CTDSPL: variants seen among roughly 807,000 people sequenced by gnomAD.
CTDSPL encodes the protein CTD small phosphatase-like protein.
Under a neutral mutation model 30.5 loss-of-function variants are expected in CTDSPL, and 8 were observed. The observed-to-expected ratio is 0.26, with a 90% confidence interval of 0.15 to 0.47. CTDSPL has a LOEUF of 0.47. Ranked by LOEUF, CTDSPL falls within the 20% of genes least tolerant of loss-of-function variation. CTDSPL has a pLI of 0.99. For synonymous variants in CTDSPL, 110 were observed against 137.9 expected, an observed-to-expected ratio of 0.80 and a Z score of 1.42; for missense variants, 248 against 366.1, an observed-to-expected ratio of 0.68 and a Z score of 2.63.
intron 1 of CTDSPL, among the ~76,000 whole-genome samples, chr3:37,868,671 C>T (rs1418347802): frequency 6.6e-5 from 10 of 152,066 alleles, no homozygotes; most frequent in Admixed American, 6.6e-4. Context: ...TGTCCTTCCT[C>T]CTTTGAATTT....
intron 1 of CTDSPL, among the ~76,000 whole-genome samples, chr3:37,908,372 C>T (rs1303313432): frequency 6.6e-6 from 1 of 151,896 alleles, no homozygotes; most frequent in Non-Finnish European, 1.5e-5. Flanking sequence ...GATTGATATA[C>T]CCTCTATAAC....
chr3:37,942,713 C>T (rs1475401701), intron 1 of CTDSPL, among the ~76,000 whole-genome samples: 2 of 150,384 alleles, frequency 1.3e-5, no homozygotes, highest in African/African-American at 4.8e-5. Context: ...ATTTAATTCT[C>T]ACAACAAACC....
chr3:37,938,404 C>T (rs1046633465), intron 1 of CTDSPL, among the ~76,000 whole-genome samples: 1 of 150,258 alleles, frequency 6.7e-6, no homozygotes, highest in African/African-American at 2.4e-5. Flanking sequence ...GCAGATATCA[C>T]ACTAATTAAG....
At chr3:37,973,466 A>G (rs1008757588) in intron 6 of CTDSPL, among the ~76,000 whole-genome samples, 3 of 152,020 alleles carry the variant, frequency 2.0e-5, no homozygotes, top group Non-Finnish European at 4.4e-5. Context: ...TGTCTCTTCA[A>G]CCCTTCTCTT....
intron 2 of CTDSPL, among the ~76,000 whole-genome samples, chr3:37,949,896 T>A (rs773078860): frequency 2.0e-5 from 3 of 152,126 alleles, no homozygotes; most frequent in Non-Finnish European, 4.4e-5. Flanking sequence ...AGGCACAGGA[T>A]TTATTCTCTC....
chr3:37,936,207 G>A (rs1328151449), intron 1 of CTDSPL, among the ~76,000 whole-genome samples: 2 of 152,162 alleles, frequency 1.3e-5, no homozygotes, highest in Non-Finnish European at 2.9e-5. Flanking sequence ...GTGGGAAAAT[G>A]AGCTTTCAAA....
intron 1 of CTDSPL, among the ~76,000 whole-genome samples, chr3:37,866,106 T>C (rs1387325464): frequency 3.3e-5 from 5 of 152,250 alleles, no homozygotes; most frequent in Non-Finnish European, 7.3e-5. Flanking sequence ...TTTCACTTAA[T>C]GGCTACATTG....
At chr3:37,962,996 T>C (rs1275457787) in intron 3 of CTDSPL, among the ~76,000 whole-genome samples, 2 of 152,198 alleles carry the variant, frequency 1.3e-5, no homozygotes, top group Non-Finnish European at 2.9e-5. Flanking sequence ...ATAGAAAACT[T>C]TTTGCAAATT....
At chr3:37,956,421 G>C (rs1369058995) in intron 2 of CTDSPL, among the ~76,000 whole-genome samples, 1 of 152,196 alleles carries the variant, frequency 6.6e-6, no homozygotes, top group African/African-American at 2.4e-5. Context: ...TTTTTTATTA[G>C]CATTTCTTAA....
intron 1 of CTDSPL, among the ~76,000 whole-genome samples, chr3:37,903,063 G>A (rs527811589): frequency 6.6e-6 from 1 of 152,202 alleles, no homozygotes. Context: ...TGAGATGGTG[G>A]TGGGCTTCTC....
At chr3:37,863,474 C>T (rs1034475183) in intron 1 of CTDSPL, among the ~76,000 whole-genome samples, 67 of 152,194 alleles carry the variant, frequency 4.4e-4, no homozygotes, top group African/African-American at 1.5e-3. Flanking sequence ...TTTGAAGGGT[C>T]AAGGAATCTG....
chr3:37,968,368 A>AG, intron 5 of CTDSPL: 1 of 366,906 alleles, frequency 2.7e-6, no homozygotes. Context: ...CAAAAGAAAA[A>AG]GGGGGAAGGG....
intron 1 of CTDSPL, among the ~76,000 whole-genome samples, chr3:37,908,691 T>G (rs1191198167): frequency 6.6e-6 from 1 of 152,252 alleles, no homozygotes; most frequent in African/African-American, 2.4e-5. Flanking sequence ...CAAACACATC[T>G]ATGACTCTTG....
chr3:37,957,944 A>T (rs1699193334), intron 3 of CTDSPL, among the ~76,000 whole-genome samples: 1 of 152,236 alleles, frequency 6.6e-6, no homozygotes. Flanking sequence ...AGACCTTTCA[A>T]ATAGTCTTAT....
At chr3:37,909,181 G>C (rs111487305) in intron 1 of CTDSPL, among the ~76,000 whole-genome samples, 1 of 152,264 alleles carries the variant, frequency 6.6e-6, no homozygotes, top group Non-Finnish European at 1.5e-5. Context: ...GCATCAAATT[G>C]AAGGCTTTGA....
At position 37,964,555 on chromosome 3, in the gene CTDSPL, T is replaced by A. The variant is rs1699278971; in HGVS notation, c.268-16T>A. On this transcript the variant is annotated splice_polypyrimidine_tract_variant and intron_variant, in intron 3 of 7. Transcript: ENST00000273179. ...CTTTTACATAAATGTAATACTGATT[T>A]ATTTTTCCCCTTTAGCCACCAGCTA... The A allele has an allele frequency of 6.4e-7, 1 of 1,574,670 alleles. No individual in the cohort carries two copies. Among genetic ancestry groups the A allele is most frequent in the Non-Finnish European group, 8.7e-7 (1 of 1,145,236 alleles).
At chr3:37,947,917 C>G (rs1699057912) in intron 2 of CTDSPL, among the ~76,000 whole-genome samples, 2 of 152,300 alleles carry the variant, frequency 1.3e-5, no homozygotes, top group South Asian at 4.1e-4. Context: ...CAGATTGTCA[C>G]AATAGGTCAA....
intron 1 of CTDSPL, among the ~76,000 whole-genome samples, chr3:37,929,162 A>G (rs1047108026): frequency 6.6e-6 from 1 of 152,170 alleles, no homozygotes; most frequent in African/African-American, 2.4e-5. Flanking sequence ...CCAGTACCAT[A>G]CTATTTTAAT....
At chr3:37,956,874 T>G (rs574592060) in intron 2 of CTDSPL, among the ~76,000 whole-genome samples, 1 of 152,284 alleles carries the variant, frequency 6.6e-6, no homozygotes, top group South Asian at 2.1e-4. Context: ...ACAAAATGGT[T>G]TGTGAGTCTC....
Sources: gnomAD v4.1 joint callset for allele counts (sites outside exome capture counted in the v4.1 genomes callset) on GRCh38, gnomAD v4.1.1 for gene constraint, MANE v1.5 for transcripts, NCBI Gene and HGNC (gene_info 2026-07-23, HGNC 2026-07-21) for gene names.